LDB3: variants seen among roughly 807,000 people sequenced by gnomAD.
LDB3 encodes the protein LIM domain binding 3, also known as LIM domain-binding protein 3.
Under a neutral mutation model 69.0 loss-of-function variants are expected in LDB3, and 49 were observed. That is an observed-to-expected ratio of 0.71 (90% confidence interval 0.56 to 0.90). LDB3 has a LOEUF of 0.90. Ranked by LOEUF, LDB3 falls within the 40% of genes least tolerant of loss-of-function variation. The probability of loss-of-function intolerance (pLI) is 0.00; values close to 1 mark genes in which losing one functional copy is unlikely to be tolerated. For missense variants in LDB3, 928 were observed against 974.1 expected, an observed-to-expected ratio of 0.95 and a Z score of 0.63; for synonymous variants, 387 against 396.2, an observed-to-expected ratio of 0.98 and a Z score of 0.28.
Position 86,668,785 on chromosome 10 carries a change from G to A in LDB3, c.93+1G>A. 1 of 1,612,110 alleles carries A rather than the reference G, an allele frequency of 6.2e-7. No individual in the cohort carries two copies. The highest frequency in any genetic ancestry group is 1.3e-5 in the African/African-American group (1 of 75,030). ...CAACATGCCCCTCACTATCTCCCGG[G>A]TGAGTGCACCCTGCCACAGCCTGGC... On this transcript the variant is annotated splice_donor_variant, in intron 2 of 13. Transcript: ENST00000361373. LOFTEE classifies it high-confidence loss of function.
At chr10:86,718,349 C>T (rs1846951768) in intron 11 of LDB3, among the ~76,000 whole-genome samples, 1 of 152,218 alleles carries the variant, frequency 6.6e-6, no homozygotes, top group Non-Finnish European at 1.5e-5. Flanking sequence ...CTGTTCCACA[C>T]AGCTTGAAGT....
At chr10:86,731,974 T>C (rs118061416) in intron 13 of LDB3, among the ~76,000 whole-genome samples, 1,753 of 151,652 alleles carry the variant, frequency 0.012, 23 homozygotes, top group South Asian at 0.073. Flanking sequence ...TTCTTGTAAT[T>C]TTTTTAACTA....
At chr10:86,672,262 G>C (rs1844526702) in intron 2 of LDB3, among the ~76,000 whole-genome samples, 1 of 152,216 alleles carries the variant, frequency 6.6e-6, no homozygotes. Context: ...GGCCCAGGAG[G>C]GGCCTGCCTG....
intron 11 of LDB3, among the ~76,000 whole-genome samples, chr10:86,718,498 T>G (rs1044371969): frequency 6.6e-6 from 1 of 152,144 alleles, no homozygotes; most frequent in South Asian, 2.1e-4. Flanking sequence ...AATGGGAGGA[T>G]TAAGCCTCAC....
chr10:86,671,267 C>A (rs989905818), intron 2 of LDB3, among the ~76,000 whole-genome samples: 1 of 152,178 alleles, frequency 6.6e-6, no homozygotes, highest in South Asian at 2.1e-4. Context: ...GGCTTGCTCA[C>A]CCCTCTAACT....
chr10:86,706,797 C>T, intron 8 of LDB3, 78 bp downstream of exon 8: 1 of 1,470,866 alleles, frequency 6.8e-7, no homozygotes, highest in Non-Finnish European at 9.2e-7. Context: ...TACCTGTGGC[C>T]AGCTGTGTCC....
Position 86,686,013 on chromosome 10 carries a change from G to C in LDB3, c.689+4210G>C, listed in dbSNP as rs1845448713. 2.0e-5 allele frequency among the ~76,000 whole-genome samples: 3 copies of C among 152,128 alleles called. No homozygotes were observed. The South Asian group carries it at 6.2e-4, about 32-fold the overall frequency. ...GGGGGAGGGGGACACAGGCTGTGCTGCTGCTGGGCCTGTGTGAGCCTGAAG... is the reference window on the plus strand; with the variant it reads ...GGGGGAGGGGGACACAGGCTGTGCTCCTGCTGGGCCTGTGTGAGCCTGAAG... On this transcript the variant is annotated intron_variant, in intron 5 of 13. Transcript: ENST00000361373.
intron 2 of LDB3, among the ~76,000 whole-genome samples, chr10:86,673,291 G>C (rs1844587695): frequency 6.6e-6 from 1 of 152,214 alleles, no homozygotes; most frequent in Non-Finnish European, 1.5e-5. Flanking sequence ...AGCTACAGAG[G>C]GGGCAGTGAC....
intron 13 of LDB3, among the ~76,000 whole-genome samples, chr10:86,728,148 C>T (rs1847326161): frequency 6.6e-6 from 1 of 152,154 alleles, no homozygotes; most frequent in Non-Finnish European, 1.5e-5. Flanking sequence ...ACATTCAAGC[C>T]ATGGCTTGTC....
At chr10:86,675,158 G>A (rs1369417459) in intron 2 of LDB3, among the ~76,000 whole-genome samples, 1 of 151,536 alleles carries the variant, frequency 6.6e-6, no homozygotes, top group African/African-American at 2.4e-5. Flanking sequence ...GACCCCAGGA[G>A]GCTGAGCTCT....
chr10:86,706,009 G>C (rs1564651583), intron 7 of LDB3, among the ~76,000 whole-genome samples: 1 of 152,178 alleles, frequency 6.6e-6, no homozygotes, highest in East Asian at 1.9e-4. Flanking sequence ...CATCTGTCTT[G>C]TTGGTGCCCT....
chr10:86,710,312 G>C, intron 9 of LDB3: 1 of 949,538 alleles, frequency 1.1e-6, no homozygotes, highest in Middle Eastern at 5.4e-4. Context: ...TCTCCGGACC[G>C]GGCATGGTGG....
chr10:86,681,371 G>C (rs1373955649), intron 4 of LDB3, 65 bp from the exon 5 acceptor site: 2 of 1,593,784 alleles, frequency 1.3e-6, no homozygotes, highest in Admixed American at 3.3e-5. Flanking sequence ...ACGCAGGAGC[G>C]CTGGGACGCG....
chr10:86,692,913 T>A (rs2132419307), intron 7 of LDB3, among the ~76,000 whole-genome samples: 1 of 152,310 alleles, frequency 6.6e-6, no homozygotes, highest in African/African-American at 2.4e-5. Flanking sequence ...CTGGCCAACT[T>A]GCCCACCCAC....
intron 5 of LDB3, among the ~76,000 whole-genome samples, chr10:86,686,054 C>T (rs1448241688): frequency 2.0e-5 from 3 of 152,082 alleles, no homozygotes; most frequent in Non-Finnish European, 2.9e-5. Flanking sequence ...TCTGTCCTGG[C>T]GACCCCTCAG....
intron 7 of LDB3, among the ~76,000 whole-genome samples, chr10:86,698,352 AC>A (rs200775701): frequency 0.016 from 2,448 of 152,318 alleles, 52 homozygotes; most frequent in African/African-American, 0.049. Flanking sequence ...GAAGCACCGT[AC>A]AGGTTAAACA....
At position 86,670,743 on chromosome 10, in the gene LDB3, G is replaced by A. The variant is rs898159288; in HGVS notation, c.93+1959G>A. On this transcript the variant is annotated intron_variant, in intron 2 of 13. Coordinates refer to ENST00000361373, the MANE Select transcript of LDB3 (RefSeq NM_007078.3). ...GAACCCGAAGCTCGGGCAGGGCACCGGGGGATGGGCATGATATGGCCTCTC... is the reference window on the plus strand; with the variant it reads ...GAACCCGAAGCTCGGGCAGGGCACCAGGGGATGGGCATGATATGGCCTCTC... Among the ~76,000 whole-genome samples, 6 of 152,338 alleles carry A rather than the reference G, an allele frequency of 3.9e-5. No homozygotes were observed. In the South Asian group the frequency reaches 6.2e-4, roughly 16 times the overall value.
chr10:86,669,063 G>GGCAA (rs1023599420), intron 2 of LDB3, among the ~76,000 whole-genome samples: 1 of 152,180 alleles, frequency 6.6e-6, no homozygotes, highest in African/African-American at 2.4e-5. Context: ...CAGGCAGGCA[G>GGCAA]GTAGCTGGAC....
At chr10:86,669,850 C>A (rs1348261510) in intron 2 of LDB3, among the ~76,000 whole-genome samples, 3 of 152,218 alleles carry the variant, frequency 2.0e-5, no homozygotes, top group African/African-American at 7.2e-5. Context: ...TACTGCCCAC[C>A]AGGGGAACAA....
Sources: gnomAD v4.1 joint callset for allele counts (sites outside exome capture counted in the v4.1 genomes callset) on GRCh38, gnomAD v4.1.1 for gene constraint, MANE v1.5 for transcripts, NCBI Gene and HGNC (gene_info 2026-07-23, HGNC 2026-07-21) for gene names.